The following BAAT variants were observed in gnomAD, a reference collection of about 807,000 sequenced individuals.
The protein encoded by BAAT is bile acid CoA: amino acid N-acyltransferase (glycine N-choloyltransferase).
A neutral mutation model predicts 18.9 loss-of-function variants in BAAT; 13 were observed. The observed-to-expected ratio is 0.69, with a 90% CI of 0.45 to 1.10. The LOEUF is 1.10. Ranked by LOEUF, BAAT falls within the 50% of genes least tolerant of loss-of-function variation. The pLI is 0.00. For synonymous variants in BAAT, 170 were observed against 190.7 expected (o/e 0.89, Z 0.89); for missense variants, 489 against 504.0 (o/e 0.97, Z 0.28).
chr9:101,366,046 C>T (rs1407674148), intron 3 of BAAT, among the ~76,000 whole-genome samples: 2 of 152,056 alleles, frequency 1.3e-5, no homozygotes, highest in Non-Finnish European at 2.9e-5. Context: ...TAACTATAGT[C>T]ACCATGCTGT....
chr9:101,373,074 G>C (rs1346668248), intron 1 of BAAT, among the ~76,000 whole-genome samples: 1 of 152,106 alleles, frequency 6.6e-6, no homozygotes, highest in Non-Finnish European at 1.5e-5. Context: ...AGAGAGAATA[G>C]GGAATAGGAA....
intron 1 of BAAT, among the ~76,000 whole-genome samples, chr9:101,374,846 A>C (rs79001392): frequency 0.037 from 5,674 of 152,140 alleles, 146 homozygotes; most frequent in Middle Eastern, 0.078. Flanking sequence ...TATTTAAAAA[A>C]AAAAACCTTC....
chr9:101,373,841 C>A (rs1829998098), intron 1 of BAAT, among the ~76,000 whole-genome samples: 1 of 152,108 alleles, frequency 6.6e-6, no homozygotes, highest in African/African-American at 2.4e-5. Flanking sequence ...CCTTTTCTCC[C>A]CATCAATACT....
chr9:101,373,813 C>T (rs1012165108), intron 1 of BAAT, among the ~76,000 whole-genome samples: 3 of 152,108 alleles, frequency 2.0e-5, no homozygotes, highest in East Asian at 1.9e-4. Flanking sequence ...TCAAAGGTCT[C>T]GGGGGTAGGG....
In BAAT at chr9:101,362,396, G is replaced by C; in HGVS notation, c.*32C>G. 2 of 1,601,372 alleles carry C rather than the reference G, an allele frequency of 1.2e-6. No homozygotes were observed. The highest frequency in any genetic ancestry group is 1.7e-6 in the Non-Finnish European group (2 of 1,169,344). ...AGAGAAGGTCCCGGTAAAGAGATTT[G>C]CTTCTTTATTTTCTAGGAATATCTA... is the stretch of plus-strand genomic sequence containing the variant. On this transcript the variant is annotated 3_prime_UTR_variant, in exon 4 of 4. Transcript: ENST00000259407.
chr9:101,380,498 T>TA (rs971743523), intron 1 of BAAT, among the ~76,000 whole-genome samples: 2 of 152,190 alleles, frequency 1.3e-5, no homozygotes, highest in African/African-American at 4.8e-5. Flanking sequence ...CCTGCTCACT[T>TA]ACCACAGAGC....
chr9:101,384,094 T>C (rs1462019594), intron 1 of BAAT, among the ~76,000 whole-genome samples: 1 of 152,166 alleles, frequency 6.6e-6, no homozygotes, highest in Admixed American at 6.6e-5. Context: ...TTTGAGGTGA[T>C]AGAGCATTTA....
intron 3 of BAAT, among the ~76,000 whole-genome samples, chr9:101,363,920 G>T (rs916852349): frequency 6.6e-6 from 1 of 152,144 alleles, no homozygotes; most frequent in Non-Finnish European, 1.5e-5. Flanking sequence ...GAGGTGGAAG[G>T]ATCACTTGAG....
At position 101,361,624 on chromosome 9, in the gene BAAT, AC is replaced by A. The variant is rs1421746772; in HGVS notation, c.*803del. ...CATTATGGAAGTACAGTGATAGTTG[AC>A]CCAATCACTCAGTTTATCAAACTCC... On this transcript the variant is annotated 3_prime_UTR_variant, in exon 4 of 4. Coordinates refer to ENST00000259407, the MANE Select transcript of BAAT (RefSeq NM_001701.4). 2 of 152,700 alleles carry A rather than the reference AC, an allele frequency of 1.3e-5. No individual in the cohort carries two copies. Among genetic ancestry groups the A allele is most frequent in the South Asian group, 2.1e-4 (1 of 4,832 alleles). The allele number at this position is 152,700 out of a possible 1,614,324, so 9.5% of individuals were successfully genotyped here. A position where few individuals can be genotyped will look rare whatever the true frequency, so the allele number is the denominator to read the frequency against.
chr9:101,384,852 T>C lies in BAAT; in HGVS notation c.-60+3A>G, dbSNP rs1290907773. Among the ~76,000 whole-genome samples, 2 of 152,082 alleles carry C rather than the reference T, an allele frequency of 1.3e-5. No individual in the cohort carries two copies. The highest frequency in any genetic ancestry group is 2.9e-5 in the Non-Finnish European group (2 of 68,012). ...GAAGTAAGTAAATGAAAAAAATACA[T>C]ACCTAGCAAGAGAACCTGCCCCCAA... On this transcript the variant is annotated splice_donor_region_variant and intron_variant, in intron 1 of 3. Coordinates refer to ENST00000259407, the MANE Select transcript of BAAT (RefSeq NM_001701.4).
intron 1 of BAAT, chr9:101,375,267 CT>C (rs1374214004): frequency 6.5e-6 from 1 of 152,816 alleles, no homozygotes; most frequent in Non-Finnish European, 1.5e-5. Flanking sequence ...CCATGTGAAA[CT>C]TTGAGTCCAT....
Position 101,362,375 on chromosome 9 carries a change from A to T in BAAT, c.*53T>A. 1 of 1,562,282 alleles carries T rather than the reference A, an allele frequency of 6.4e-7. No individual in the cohort carries two copies. The highest frequency in any genetic ancestry group is 1.4e-5 in the African/African-American group (1 of 74,030). On this transcript the variant is annotated 3_prime_UTR_variant, in exon 4 of 4. Coordinates refer to ENST00000259407, the MANE Select transcript of BAAT (RefSeq NM_001701.4). The stretch of plus-strand genomic sequence containing the variant: ...GACATTCCGCCATGAAAATTGAGAG[A>T]AGGTCCCGGTAAAGAGATTTGCTTC...
Position 101,368,463 on chromosome 9 carries a change from C to G in BAAT, c.467-141G>C, listed in dbSNP as rs1300424138. 21 of 807,668 alleles carry G rather than the reference C, an allele frequency of 2.6e-5. No individual in the cohort carries two copies. The East Asian group carries it at 5.0e-4, about 19-fold the overall frequency. The allele number at this position is 807,668 out of a possible 1,614,324, so 50.0% of individuals were successfully genotyped here. On this transcript the variant is annotated intron_variant, in intron 2 of 3. Coordinates refer to ENST00000259407, the MANE Select transcript of BAAT (RefSeq NM_001701.4). ...ATAAAAGATAATAAAAACATGAGAA[C>G]ACAAAGCAGAAATGCAAAATTACAT...
Position 101,362,762 on chromosome 9 carries a change from T to C in BAAT, c.923A>G (p.Gln308Arg). 1 of 1,614,168 alleles carries C rather than the reference T, an allele frequency of 6.2e-7. No homozygotes were observed. The highest frequency in any genetic ancestry group is 2.2e-5 in the East Asian group (1 of 44,882). The change falls in exon 4 of 4, where the codon CAA (glutamine) becomes CGA (arginine). Residue 308 changes from glutamine to arginine, a missense_variant. Gln to Arg is a conservative substitution (Grantham distance 43). Transcript: ENST00000259407. ...GGCCTCTTCAATAGGAAACAAATAT[T>C]GACTGGCCCCAACTTGAGTTGTCTC... ...TFETTQVGAS[Q>R]YLFPIEEAQG...
At chr9:101,380,335 G>A (rs945370661) in intron 1 of BAAT, among the ~76,000 whole-genome samples, 6 of 152,202 alleles carry the variant, frequency 3.9e-5, no homozygotes, top group Non-Finnish European at 8.8e-5. Flanking sequence ...GGTCTGGGGA[G>A]TAACAGTGAG....
Position 101,362,543 on chromosome 9 carries a change from C to A in BAAT, c.1142G>T (p.Arg381Met). The A allele has an allele frequency of 6.2e-7, 1 of 1,614,104 alleles. No homozygotes were observed. Residue 381 changes from arginine to methionine, a missense_variant, in exon 4 of 4, where the codon AGG becomes ATG. Transcript: ENST00000259407. ...GATCACCTCTCCTCCCCAGTGTAAC[C>A]TCAAATCGTGGGTCGTTGAGGCACA... ...LCCASTTHDL[R>M]LHWGGEVIPH... is the part of the protein sequence containing the mutation.
At position 101,365,605 on chromosome 9, in the gene BAAT, C is replaced by T. The variant is rs578233028; in HGVS notation, c.669+2515G>A. Among the ~76,000 whole-genome samples, 11 of 152,134 alleles carry T rather than the reference C, an allele frequency of 7.2e-5. No homozygotes were observed. In the South Asian group the frequency reaches 1.9e-3, roughly 26 times the overall value. Reference sequence around the variant, plus strand: ...AGGCTGGAGTGTGGTGGCTCAATCTCGGCTCACTGCAACCTCCGCCTCTCA... The same window carrying T: ...AGGCTGGAGTGTGGTGGCTCAATCTTGGCTCACTGCAACCTCCGCCTCTCA... On this transcript the variant is annotated intron_variant, in intron 3 of 3. Transcript: ENST00000259407.
intron 2 of BAAT, among the ~76,000 whole-genome samples, chr9:101,370,320 CTTTTTT>C (rs749077224): frequency 9.6e-6 from 1 of 103,672 alleles, no homozygotes; most frequent in African/African-American, 3.9e-5. Context: ...ATGCATTATC[CTTTTTT>C]TTTTTTTTTT....
At position 101,362,689 on chromosome 9, in the gene BAAT, G is replaced by C. The variant is rs778142650; in HGVS notation, c.996C>G (p.Asn332Lys). The change falls in exon 4 of 4, where the codon AAC becomes AAG. Residue 332 changes from asparagine to lysine, a missense_variant. By Grantham distance (94) the Asn-to-Lys change is moderately conservative. Transcript: ENST00000259407. ...TGGCTTGTTCAGCGTGTGCTTTGCTGTTGATAGTCTTATCACCTTCTCCTA... is the reference window on the plus strand; with the variant it reads ...TGGCTTGTTCAGCGTGTGCTTTGCTCTTGATAGTCTTATCACCTTCTCCTA... ...FIVGEGDKTI[N>K]SKAHAEQAIG... 6.2e-7 allele frequency: 1 copy of C among 1,614,182 alleles called. No individual in the cohort carries two copies. The highest frequency in any genetic ancestry group is 1.7e-5 in the Admixed American group (1 of 60,018).
Sources: gnomAD v4.1 joint callset for allele counts (sites outside exome capture counted in the v4.1 genomes callset) on GRCh38, gnomAD v4.1.1 for gene constraint, MANE v1.5 for transcripts, NCBI Gene and HGNC (gene_info 2026-07-23, HGNC 2026-07-21) for gene names.